The following CNTN6 variants were observed in gnomAD, a reference collection of about 807,000 sequenced individuals.
The protein encoded by CNTN6 is contactin-6.
CNTN6 carries 137 observed loss-of-function variants against 122.8 expected under a neutral mutation model. The observed-to-expected ratio is 1.12, with a 90% CI of 0.97 to 1.29. The LOEUF is 1.29. CNTN6 is among the 50% of genes most tolerant of loss of function. CNTN6 has a pLI of 0.00. For synonymous variants in CNTN6, 570 were observed against 426.0 expected (o/e 1.34, Z -4.16); for missense variants, 1,634 against 1,223.4 (o/e 1.34, Z -5.01).
chr3:1,304,866 C>A (rs1163526741), intron 7 of CNTN6, among the ~76,000 whole-genome samples: 2 of 151,426 alleles, frequency 1.3e-5, no homozygotes, highest in Non-Finnish European at 2.9e-5. Flanking sequence ...CAGTGGCAGA[C>A]ACCTGTAATC....
chr3:1,251,404 C>A (rs1036223173), intron 4 of CNTN6, among the ~76,000 whole-genome samples: 1 of 152,160 alleles, frequency 6.6e-6, no homozygotes, highest in Non-Finnish European at 1.5e-5. Flanking sequence ...CTGTCCTTCT[C>A]CTGCTTCGTC....
Position 1,142,944 on chromosome 3 carries a change from A to G in CNTN6, c.-82-4983A>G, listed in dbSNP as rs535935119. Among the ~76,000 whole-genome samples, 3 of 146,824 alleles carry G rather than the reference A, an allele frequency of 2.0e-5. No individual in the cohort carries two copies. The South Asian group carries it at 6.3e-4, about 31-fold the overall frequency. On this transcript the variant is annotated intron_variant, in intron 1 of 22. Transcript: ENST00000446702. ...ATAGACAGATATGTACATTAAAGAT[A>G]CATATAAATTTGTGTGTGTGTGTGT...
At chr3:1,320,081 G>A (rs1430649091) in intron 7 of CNTN6, among the ~76,000 whole-genome samples, 2 of 151,506 alleles carry the variant, frequency 1.3e-5, no homozygotes, top group African/African-American at 2.4e-5. Context: ...GTTATCTGAG[G>A]TTAATTGTTG....
intron 4 of CNTN6, among the ~76,000 whole-genome samples, chr3:1,231,555 A>T (rs2094352724): frequency 6.6e-6 from 1 of 152,222 alleles, no homozygotes; most frequent in African/African-American, 2.4e-5. Context: ...CTGCTTCATT[A>T]TGAATCGTCT....
In CNTN6 at chr3:1,383,392, G is replaced by A. The variant is rs188619905; in HGVS notation, c.2501G>A (p.Arg834Lys). 5 of 1,613,720 alleles carry A rather than the reference G, an allele frequency of 3.1e-6. No individual in the cohort carries two copies. The highest frequency in any genetic ancestry group is 2.2e-5 in the East Asian group (1 of 44,860). ...ATTGCCTGGAATAGAAACACTGGAA[G>A]AGTGCTGGGCTATGAGGTAATCCAC... ...NAIAWNRNTG[R>K]VLGYEVLYWT... The change falls in exon 19 of 23, where the codon AGA becomes AAA. Residue 834 changes from arginine to lysine, a missense_variant. Physicochemically the swap from Arg to Lys is conservative, Grantham distance 26. Transcript: ENST00000446702.
intron 1 of CNTN6, among the ~76,000 whole-genome samples, chr3:1,095,278 C>T (rs1022019187): frequency 1.5e-4 from 23 of 152,168 alleles, no homozygotes; most frequent in African/African-American, 5.5e-4. Flanking sequence ...TGAGACCATC[C>T]TGGCCAACAT....
intron 1 of CNTN6, among the ~76,000 whole-genome samples, chr3:1,130,308 G>T (rs1244498450): frequency 6.6e-6 from 1 of 151,950 alleles, no homozygotes; most frequent in African/African-American, 2.4e-5. Flanking sequence ...CCTAGGATTT[G>T]CCACTGTAAC....
At chr3:1,166,826 T>G (rs995042949) in intron 2 of CNTN6, among the ~76,000 whole-genome samples, 1 of 150,768 alleles carries the variant, frequency 6.6e-6, no homozygotes. Flanking sequence ...TAAGTGGGAG[T>G]TGAGCTATGA....
intron 7 of CNTN6, among the ~76,000 whole-genome samples, chr3:1,308,880 G>A (rs11128628): frequency 0.28 from 43,083 of 151,906 alleles, 7,691 homozygotes; most frequent in East Asian, 0.62. Context: ...ATTCTCTAAC[G>A]GCAAAGGATG....
At chr3:1,395,681 C>T (rs1386464703) in intron 20 of CNTN6, among the ~76,000 whole-genome samples, 2 of 152,126 alleles carry the variant, frequency 1.3e-5, no homozygotes, top group Non-Finnish European at 2.9e-5. Context: ...AACTCCTTTT[C>T]CATATAAAGT....
At chr3:1,396,191 C>G (rs1476885719) in intron 20 of CNTN6, among the ~76,000 whole-genome samples, 1 of 152,226 alleles carries the variant, frequency 6.6e-6, no homozygotes, top group African/African-American at 2.4e-5. Flanking sequence ...CATTCCTCTT[C>G]TAGCCCTGAC....
chr3:1,309,307 T>C (rs967133933), intron 7 of CNTN6, among the ~76,000 whole-genome samples: 5 of 152,208 alleles, frequency 3.3e-5, no homozygotes, highest in South Asian at 2.1e-4. Context: ...CATTAATTTT[T>C]GTGAAAGATA....
intron 1 of CNTN6, among the ~76,000 whole-genome samples, chr3:1,111,371 C>G (rs1034682600): frequency 6.6e-6 from 1 of 152,100 alleles, no homozygotes; most frequent in Non-Finnish European, 1.5e-5. Flanking sequence ...GTATTTAATT[C>G]TCATAAAAAC....
At chr3:1,102,219 T>C (rs1379121041) in intron 1 of CNTN6, among the ~76,000 whole-genome samples, 1 of 152,186 alleles carries the variant, frequency 6.6e-6, no homozygotes, top group Non-Finnish European at 1.5e-5. Flanking sequence ...GTATGTCTAA[T>C]GTGGTTGTGT....
rs1263258251 is a variant in CNTN6 at position 1,093,125 on chromosome 3, G to C, written c.-83+5G>C. On this transcript the variant is annotated splice_donor_5th_base_variant and intron_variant, in intron 1 of 22. Coordinates refer to ENST00000446702, the MANE Select transcript of CNTN6 (RefSeq NM_001289080.2). ...AGATCCCGAGACATTTCCCTGGTAAGATCTGTAAGTACAAAATTGTGCTGT... is the reference window on the plus strand; with the variant it reads ...AGATCCCGAGACATTTCCCTGGTAACATCTGTAAGTACAAAATTGTGCTGT... 6 of 281,382 alleles carry C rather than the reference G, an allele frequency of 2.1e-5. No individual in the cohort carries two copies. Among genetic ancestry groups the C allele is most frequent in the African/African-American group, 1.3e-4 (6 of 45,384 alleles). The allele number at this position is 281,382 out of a possible 1,614,324, so 17.4% of individuals were successfully genotyped here.
At chr3:1,225,047 C>T (rs145339840) in intron 3 of CNTN6, among the ~76,000 whole-genome samples, 36 of 152,242 alleles carry the variant, frequency 2.4e-4, no homozygotes, top group African/African-American at 8.7e-4. Context: ...CGCACCTAGC[C>T]CAGCCATTAT....
At chr3:1,343,190 T>G (rs1241875599) in intron 11 of CNTN6, among the ~76,000 whole-genome samples, 2 of 152,200 alleles carry the variant, frequency 1.3e-5, no homozygotes, top group Non-Finnish European at 2.9e-5. Flanking sequence ...ATAATGCATA[T>G]AACATACAAA....
chr3:1,138,303 CA>C (rs2092530894), intron 1 of CNTN6, among the ~76,000 whole-genome samples: 1 of 151,948 alleles, frequency 6.6e-6, no homozygotes, highest in African/African-American at 2.4e-5. Flanking sequence ...AAAAGAAAAG[CA>C]AACATTGAAT....
chr3:1,112,701 C>T (rs2091536616), intron 1 of CNTN6, among the ~76,000 whole-genome samples: 1 of 152,096 alleles, frequency 6.6e-6, no homozygotes, highest in Admixed American at 6.6e-5. Flanking sequence ...AAAAATAATG[C>T]TTCACTAGTT....
Sources: gnomAD v4.1 joint callset for allele counts (sites outside exome capture counted in the v4.1 genomes callset) on GRCh38, gnomAD v4.1.1 for gene constraint, MANE v1.5 for transcripts, NCBI Gene and HGNC (gene_info 2026-07-23, HGNC 2026-07-21) for gene names.